The following BCKDHB variants were observed in gnomAD, a reference collection of about 807,000 sequenced individuals.
BCKDHB encodes the protein 2-oxoisovalerate dehydrogenase subunit beta, mitochondrial.
In BCKDHB, 41 loss-of-function variants were observed where a neutral mutation model predicts 48.5. That is an observed-to-expected ratio of 0.85 (90% CI 0.66 to 1.10). BCKDHB has a LOEUF of 1.10. Ranked by LOEUF, BCKDHB falls within the 50% of genes least tolerant of loss-of-function variation. The pLI, the probability that BCKDHB is intolerant of heterozygous loss-of-function variation, is 0.00. For missense variants in BCKDHB, 496 were observed against 494.2 expected (o/e 1.00, Z -0.03); for synonymous variants, 201 against 174.8 (o/e 1.15, Z -1.18).
intron 1 of BCKDHB, among the ~76,000 whole-genome samples, chr6:80,117,925 TG>T (rs902439219): frequency 5.1e-4 from 78 of 152,312 alleles, no homozygotes; most frequent in African/African-American, 1.9e-3. Context: ...CTAACACCGC[TG>T]GGTTAGTGTC....
chr6:80,340,924 A>C (rs906301106), intron 9 of BCKDHB, among the ~76,000 whole-genome samples: 2 of 152,220 alleles, frequency 1.3e-5, no homozygotes, highest in African/African-American at 4.8e-5. Context: ...TTATATGTGA[A>C]CCAATTCAGT....
chr6:80,346,478 T>G (rs1318770859), downstream of BCKDHB, among the ~76,000 whole-genome samples: 1 of 152,186 alleles, frequency 6.6e-6, no homozygotes, highest in Non-Finnish European at 1.5e-5. Flanking sequence ...CCCCTCATTC[T>G]TCCCTCTTGC....
At chr6:80,204,947 G>A (rs927922123) in intron 8 of BCKDHB, among the ~76,000 whole-genome samples, 9 of 151,924 alleles carry the variant, frequency 5.9e-5, no homozygotes, top group African/African-American at 1.9e-4. Context: ...GGAGACAAGC[G>A]ATCTCTACTG....
chr6:80,397,572 T>C, the BCKDHB span, among the ~76,000 whole-genome samples: 6 of 152,156 alleles, frequency 3.9e-5, no homozygotes, highest in African/African-American at 1.4e-4. Context: ...TTTAAAAAAA[T>C]TAACTTCAAG....
chr6:80,323,007 A>G (rs563281502), intron 9 of BCKDHB, among the ~76,000 whole-genome samples: 27 of 151,416 alleles, frequency 1.8e-4, no homozygotes, highest in Non-Finnish European at 2.9e-4. Context: ...AACAGTTAAG[A>G]GCTCATGCTA....
intron 8 of BCKDHB, among the ~76,000 whole-genome samples, chr6:80,257,951 GACACCT>G (rs1399270532): frequency 6.6e-6 from 1 of 151,764 alleles, no homozygotes; most frequent in Non-Finnish European, 1.5e-5. Context: ...TTAACTATTT[GACACCT>G]CAAATTAACC....
chr6:80,173,802 C>CTTT (rs66729845), intron 6 of BCKDHB, among the ~76,000 whole-genome samples: 9 of 137,324 alleles, frequency 6.6e-5, no homozygotes, highest in East Asian at 2.1e-4. Context: ...TCTACTTTTC[C>CTTT]TTTTTTTTTT....
At chr6:80,278,434 T>G (rs1270813153) in intron 9 of BCKDHB, among the ~76,000 whole-genome samples, 1 of 152,222 alleles carries the variant, frequency 6.6e-6, no homozygotes, top group Non-Finnish European at 1.5e-5. Context: ...TGGATTGGGC[T>G]GCTTCATTAC....
intron 8 of BCKDHB, among the ~76,000 whole-genome samples, chr6:80,205,149 G>T (rs928073727): frequency 5.3e-5 from 8 of 151,972 alleles, no homozygotes; most frequent in Non-Finnish European, 1.2e-4. Flanking sequence ...GTAAAATTTT[G>T]ATACTTAGCT....
At chr6:80,185,330 T>G (rs975907734) in intron 6 of BCKDHB, among the ~76,000 whole-genome samples, 65 of 152,048 alleles carry the variant, frequency 4.3e-4, no homozygotes, top group African/African-American at 1.4e-3. Flanking sequence ...CCTGCACTGT[T>G]TTTTTTTAAA....
the BCKDHB span, among the ~76,000 whole-genome samples, chr6:80,392,410 G>A: frequency 9.2e-5 from 14 of 151,844 alleles, no homozygotes; most frequent in South Asian, 2.9e-3. Flanking sequence ...ACCGCATGTA[G>A]ATATGGTCCT....
At chr6:80,284,783 C>T (rs1766546539) in intron 9 of BCKDHB, among the ~76,000 whole-genome samples, 1 of 152,102 alleles carries the variant, frequency 6.6e-6, no homozygotes, top group Non-Finnish European at 1.5e-5. Flanking sequence ...AACAAGTCCT[C>T]ATTGTGTCCT....
chr6:80,460,215 C>T, the BCKDHB span, among the ~76,000 whole-genome samples: 1 of 152,064 alleles, frequency 6.6e-6, no homozygotes. Flanking sequence ...ATTGAGATAT[C>T]ACAAGTAATA....
At chr6:80,287,598 A>G (rs1420434424) in intron 9 of BCKDHB, among the ~76,000 whole-genome samples, 2 of 152,148 alleles carry the variant, frequency 1.3e-5, no homozygotes, top group Non-Finnish European at 2.9e-5. Context: ...AGAATTTATT[A>G]AGCAAAAGGA....
At chr6:80,242,564 C>T (rs779309740) in intron 8 of BCKDHB, among the ~76,000 whole-genome samples, 2 of 151,828 alleles carry the variant, frequency 1.3e-5, no homozygotes, top group African/African-American at 2.4e-5. Context: ...TACACATACA[C>T]ATGTACACAC....
chr6:80,190,955 G>T (rs1159312780), intron 6 of BCKDHB, among the ~76,000 whole-genome samples: 1 of 151,808 alleles, frequency 6.6e-6, no homozygotes, highest in African/African-American at 2.4e-5. Flanking sequence ...CAGCGATGTT[G>T]GTGGCAGGGC....
At chr6:80,406,706 T>C in the BCKDHB span, among the ~76,000 whole-genome samples, 1 of 152,210 alleles carries the variant, frequency 6.6e-6, no homozygotes, top group African/African-American at 2.4e-5. Context: ...TGGGGTTGTT[T>C]GATTTTTTCT....
chr6:80,409,631 T>TATAA, the BCKDHB span, among the ~76,000 whole-genome samples: 4 of 111,440 alleles, frequency 3.6e-5, no homozygotes, highest in Non-Finnish European at 7.4e-5. Context: ...TATATATATA[T>TATAA]GATAGTTAGT....
chr6:80,403,562 GC>G, the BCKDHB span, among the ~76,000 whole-genome samples: 2 of 151,692 alleles, frequency 1.3e-5, no homozygotes, highest in Admixed American at 1.3e-4. Context: ...AATGTTGGCG[GC>G]TTTTGTTTCC....
Sources: gnomAD v4.1 joint callset for allele counts (sites outside exome capture counted in the v4.1 genomes callset) on GRCh38, gnomAD v4.1.1 for gene constraint, MANE v1.5 for transcripts, NCBI Gene and HGNC (gene_info 2026-07-23, HGNC 2026-07-21) for gene names.